Variants in BDP1 observed in about 807,000 individuals in gnomAD.
BDP1 encodes transcription factor TFIIIB component B'' homolog.
A neutral mutation model predicts 266.6 loss-of-function variants in BDP1; 169 were observed. The observed-to-expected ratio is 0.63, with a 90% confidence interval of 0.56 to 0.72. The LOEUF is 0.72. Among genes scored for constraint, BDP1 ranks in the 30% least tolerant of loss-of-function variants. BDP1 has a pLI of 0.00. For synonymous variants in BDP1, 1,090 were observed against 1,022.4 expected (o/e 1.07, Z -1.26); for missense variants, 3,015 against 3,053.8 (o/e 0.99, Z 0.30).
In BDP1 at chr5:71,502,749, C is replaced by T. The variant is rs777307059; in HGVS notation, c.2199C>T (p.Ala733=). The T allele has an allele frequency of 1.2e-6, 2 of 1,613,702 alleles. No homozygotes were observed. Among genetic ancestry groups the T allele is most frequent in the East Asian group, 2.2e-5 (1 of 44,836 alleles). ...TCATATCACAGGAAGAAATTGGGGC[C>T]AATGTAGAGAAGAATGAAAATGAAT... is the stretch of plus-strand genomic sequence containing the variant. ...EILISQEEIG[A]NVEKNENESC... Residue 733 remains alanine (A), a synonymous_variant, in exon 15 of 39, where the codon GCC becomes GCT. Coordinates refer to ENST00000358731, the MANE Select transcript of BDP1 (RefSeq NM_018429.3).
chr5:71,533,468 ATTTTT>A (rs35347206), intron 26 of BDP1, among the ~76,000 whole-genome samples: 1 of 124,794 alleles, frequency 8.0e-6, no homozygotes, highest in Admixed American at 8.6e-5. Flanking sequence ...TGTTCGGTGG[ATTTTT>A]TTTTTTTTTT....
At chr5:71,533,609 G>T (rs1029502510) in intron 26 of BDP1, among the ~76,000 whole-genome samples, 2 of 151,958 alleles carry the variant, frequency 1.3e-5, no homozygotes, top group South Asian at 4.2e-4. Context: ...GGGACTGCAG[G>T]TGTGTGCCAC....
At chr5:71,458,487 G>T in intron 1 of BDP1, 92 bp from the exon 2 acceptor site, 2 of 866,392 alleles carry the variant, frequency 2.3e-6, no homozygotes, top group South Asian at 2.6e-5. Context: ...TTACGAGATT[G>T]CAGTTTTGGA....
In BDP1 at chr5:71,562,423, A is replaced by G. The variant is rs369091269; in HGVS notation, c.7646A>G (p.Asn2549Ser). 1.7e-4 allele frequency: 267 copies of G among 1,614,048 alleles called. No homozygotes were observed. The highest frequency in any genetic ancestry group is 1.0e-3 in the South Asian group (92 of 91,080). ...AAATTGAAAAGATCTAATCCATTCA[A>G]TGAAAGCCAGGAAAAAAATCGAGAG... Reference protein sequence around the residue: ...RKKLKRSNPFNESQEKNRESS... With the variant: ...RKKLKRSNPFSESQEKNRESS... Residue 2549 changes from asparagine (N) to serine (S), a missense_variant, in exon 38 of 39, where the codon AAT becomes AGT. Physicochemically the swap from Asn to Ser is conservative, Grantham distance 46. This residue lies in a region of BDP1 where 629 missense variants were observed against 632.5 expected (regional missense o/e 0.99). Coordinates refer to ENST00000358731, the MANE Select transcript of BDP1 (RefSeq NM_018429.3).
At chr5:71,496,241 CAA>C (rs34456179) in intron 12 of BDP1, among the ~76,000 whole-genome samples, 12 of 110,068 alleles carry the variant, frequency 1.1e-4, no homozygotes, top group Admixed American at 2.1e-4. Context: ...GACTCCATTT[CAA>C]AAAAAAAAAA....
In BDP1 at chr5:71,510,472, C is replaced by T. The variant is rs1580108255; in HGVS notation, c.3380C>T (p.Pro1127Leu). The T allele has an allele frequency of 3.1e-6, 5 of 1,612,428 alleles. No individual in the cohort carries two copies. In the East Asian group the frequency reaches 8.9e-5, roughly 29 times the overall value. Reference protein sequence around the residue: ...DLKATGREISPREKTPEVIDA... With the variant: ...DLKATGREISLREKTPEVIDA... ...AAAGCAACCGGAAGGGAGATTTCCC[C>T]AAGGGAGAAGACACCAGAGGTGATT... The change falls in exon 17 of 39, where the codon CCA becomes CTA. Residue 1127 changes from proline to leucine, a missense_variant. Physicochemically the swap from Pro to Leu is moderately conservative, Grantham distance 98. Coordinates refer to ENST00000358731, the MANE Select transcript of BDP1 (RefSeq NM_018429.3).
intron 25 of BDP1, among the ~76,000 whole-genome samples, chr5:71,525,784 C>T (rs1765822316): frequency 1.3e-5 from 2 of 151,988 alleles, no homozygotes; most frequent in African/African-American, 2.4e-5. Flanking sequence ...CAGAGACGCT[C>T]CTCACTTCCC....
intron 12 of BDP1, 143 bp downstream of exon 12, chr5:71,495,551 A>T (rs1763835271): frequency 2.0e-6 from 1 of 507,596 alleles, no homozygotes; most frequent in Admixed American, 3.7e-5. Context: ...ATATGTAATT[A>T]TACTGTAGTC....
Position 71,493,439 on chromosome 5 carries a change from T to G in BDP1, c.1641-1811T>G, listed in dbSNP as rs1423641542. 2.6e-5 allele frequency among the ~76,000 whole-genome samples: 4 copies of G among 152,012 alleles called. No individual in the cohort carries two copies. The East Asian group carries it at 5.8e-4, about 22-fold the overall frequency. ...CATGACTGGCTAATTTTAAAAACAT[T>G]TTTTAGTAGAGATGTTTTCCAGGCT... On this transcript the variant is annotated intron_variant, in intron 11 of 38. Transcript: ENST00000358731.
chr5:71,464,101 C>G lies in BDP1; in HGVS notation c.643C>G (p.Pro215Ala). Residue 215 changes from proline (P) to alanine (A), a missense_variant, in exon 4 of 39, where the codon CCA (proline) becomes GCA (alanine). This residue lies in a region of BDP1 where 2,383 missense variants were observed against 2,404.9 expected (regional missense o/e 0.99). Transcript: ENST00000358731. ...QEKKTEKPST[P>A]VQTREQEGKS... ...AAAGAAAACTGAAAAGCCATCGACT[C>G]CAGTCCAGACAAGAGAGTAAGTATT... The G allele has an allele frequency of 2.5e-6, 4 of 1,577,510 alleles. No individual in the cohort carries two copies. The South Asian group carries it at 4.7e-5, about 18-fold the overall frequency.
At chr5:71,488,316 T>A (rs1213761920) in intron 9 of BDP1, among the ~76,000 whole-genome samples, 1 of 151,592 alleles carries the variant, frequency 6.6e-6, no homozygotes. Flanking sequence ...TTTGTAGAGA[T>A]GGGATTTTAT....
At chr5:71,481,391 G>GAAAAAAAAAAAAAAAAAAAAA in intron 7 of BDP1, among the ~76,000 whole-genome samples, 1 of 63,844 alleles carries the variant, frequency 1.6e-5, no homozygotes, top group Non-Finnish European at 2.7e-5. Context: ...TCTCTACAAA[G>GAAAAAAAAAAAAAAAAAAAAA]AAAAAAAAAA....
intron 14 of BDP1, 88 bp from the exon 15 acceptor site, chr5:71,502,511 T>C (rs1764311888): frequency 8.6e-7 from 1 of 1,163,048 alleles, no homozygotes; most frequent in Non-Finnish European, 1.2e-6. Flanking sequence ...AATTATTTCA[T>C]ATTCCAAATG....
In BDP1 at chr5:71,463,589, A is replaced by C. The variant is rs538921349; in HGVS notation, c.600-469A>C. On this transcript the variant is annotated intron_variant, in intron 3 of 38. Transcript: ENST00000358731. Reference sequence around the variant, plus strand: ...GTAATCTCAGTGTTTTGGGAAGCTAAGGTGGGAGGATTGCATGATCCCAGG... The same window carrying C: ...GTAATCTCAGTGTTTTGGGAAGCTACGGTGGGAGGATTGCATGATCCCAGG... 3.0e-4 allele frequency among the ~76,000 whole-genome samples: 46 copies of C among 152,250 alleles called. No individual in the cohort carries two copies. In the South Asian group the frequency reaches 9.3e-3, roughly 31 times the overall value.
chr5:71,517,153 G>A (rs12513828), intron 21 of BDP1, among the ~76,000 whole-genome samples, 169 bp from the exon 22 acceptor site: 1 of 152,070 alleles, frequency 6.6e-6, no homozygotes, highest in African/African-American at 2.4e-5. Context: ...TTTGAGCCTA[G>A]GACTTTGAGA....
intron 23 of BDP1, 44 bp downstream of exon 23, chr5:71,522,534 A>G (rs760007788): frequency 6.7e-7 from 1 of 1,485,960 alleles, no homozygotes. Flanking sequence ...TTTCTCAATG[A>G]GGTCTGTTTT....
chr5:71,514,920 T>A, intron 19 of BDP1, 24 bp from the exon 20 acceptor site: 1 of 1,547,396 alleles, frequency 6.5e-7, no homozygotes, highest in Non-Finnish European at 8.7e-7. Context: ...CAACTGTGAA[T>A]GAAATTTTTT....
intron 15 of BDP1, among the ~76,000 whole-genome samples, chr5:71,503,700 C>A (rs1261540726): frequency 2.0e-5 from 3 of 152,138 alleles, no homozygotes; most frequent in African/African-American, 7.2e-5. Context: ...GGCATGGTGA[C>A]TCATGCCTGA....
chr5:71,545,853 A>AG (rs1742265564), intron 32 of BDP1, among the ~76,000 whole-genome samples: 1 of 150,258 alleles, frequency 6.7e-6, no homozygotes. Flanking sequence ...AAAAAAAAAA[A>AG]GCCAGGCATG....
Sources: allele counts gnomAD v4.1 joint callset (sites outside exome capture counted in the v4.1 genomes callset), GRCh38; gene constraint gnomAD v4.1.1; regional missense constraint gnomAD v4.1.1; transcripts MANE v1.5; gene names NCBI Gene and HGNC (gene_info 2026-07-23, HGNC 2026-07-21).